Variants in CTNNA2 observed in about 807,000 individuals in gnomAD.
CTNNA2 encodes catenin alpha-2.
Under a neutral mutation model 101.0 loss-of-function variants are expected in CTNNA2, and 42 were observed. The observed-to-expected ratio is 0.42, with a 90% confidence interval of 0.32 to 0.54. The LOEUF is 0.54. Among genes scored for constraint, CTNNA2 ranks in the 20% least tolerant of loss-of-function variants. The probability of loss-of-function intolerance (pLI) is 0.14; values close to 1 mark genes in which losing one functional copy is unlikely to be tolerated. For missense variants in CTNNA2, 871 were observed against 1,223.1 expected (o/e 0.71, Z 4.29); for synonymous variants, 450 against 456.4 (o/e 0.99, Z 0.18).
chr2:80,042,482 C>T (rs1696132027), intron 7 of CTNNA2, among the ~76,000 whole-genome samples: 1 of 152,164 alleles, frequency 6.6e-6, no homozygotes, highest in African/African-American at 2.4e-5. Flanking sequence ...GAGAATTGCA[C>T]TGAGCCAAGC....
chr2:80,187,033 ATTAT>A (rs1312505220), intron 7 of CTNNA2, among the ~76,000 whole-genome samples: 1 of 152,230 alleles, frequency 6.6e-6, no homozygotes, highest in Non-Finnish European at 1.5e-5. Context: ...CTTTTAAAAA[ATTAT>A]TTATTCATTG....
intron 9 of CTNNA2, among the ~76,000 whole-genome samples, chr2:80,517,923 C>G (rs1689227648): frequency 6.6e-6 from 1 of 152,160 alleles, no homozygotes; most frequent in Admixed American, 6.5e-5. Flanking sequence ...ATGGATCACA[C>G]TAACCAGATA....
intron 7 of CTNNA2, among the ~76,000 whole-genome samples, chr2:79,943,405 A>G (rs1381216851): frequency 6.6e-6 from 1 of 152,206 alleles, no homozygotes; most frequent in Non-Finnish European, 1.5e-5. Flanking sequence ...TCATGTAGAA[A>G]AAAAAGAAGT....
chr2:80,309,313 T>C (rs1230999135), intron 7 of CTNNA2, among the ~76,000 whole-genome samples: 2 of 152,172 alleles, frequency 1.3e-5, no homozygotes, highest in Admixed American at 6.5e-5. Flanking sequence ...GCAAATCTCC[T>C]CTATGATTTC....
chr2:79,296,552 A>C (rs879820679), intron 2 of CTNNA2, among the ~76,000 whole-genome samples: 1 of 152,126 alleles, frequency 6.6e-6, no homozygotes, highest in African/African-American at 2.4e-5. Context: ...TCTAGCACCT[A>C]CTATATGTGT....
At chr2:79,745,442 A>T (rs1671578462) in intron 3 of CTNNA2, among the ~76,000 whole-genome samples, 1 of 151,722 alleles carries the variant, frequency 6.6e-6, no homozygotes, top group African/African-American at 2.4e-5. Context: ...TAAAAAAAAA[A>T]AATAAAATAA....
At chr2:80,111,772 C>T (rs1266785638) in intron 7 of CTNNA2, among the ~76,000 whole-genome samples, 4 of 152,160 alleles carry the variant, frequency 2.6e-5, no homozygotes, top group African/African-American at 7.2e-5. Flanking sequence ...AAGCAACCTT[C>T]CTGTCACAGC....
At chr2:79,266,552 T>C (rs560342850) in intron 2 of CTNNA2, among the ~76,000 whole-genome samples, 1 of 152,288 alleles carries the variant, frequency 6.6e-6, no homozygotes, top group African/African-American at 2.4e-5. Context: ...AGAAAACTGG[T>C]ACTGAATGTA....
intron 1 of CTNNA2, among the ~76,000 whole-genome samples, chr2:79,602,286 C>A (rs957345897): frequency 9.9e-5 from 15 of 151,978 alleles, no homozygotes; most frequent in Admixed American, 2.6e-4. Context: ...TTTGAAATAA[C>A]GTGATCATCT....
At chr2:79,457,540 G>A (rs1189943609) in intron 4 of CTNNA2, among the ~76,000 whole-genome samples, 1 of 152,112 alleles carries the variant, frequency 6.6e-6, no homozygotes, top group African/African-American at 2.4e-5. Flanking sequence ...AACTTTATGA[G>A]CATTTGAACC....
chr2:79,780,054 C>G (rs188698656), intron 3 of CTNNA2, among the ~76,000 whole-genome samples: 4 of 152,272 alleles, frequency 2.6e-5, no homozygotes, highest in African/African-American at 9.6e-5. Flanking sequence ...TCTCCACAAC[C>G]CCTTATGGTA....
At chr2:80,365,903 G>C (rs557614592) in intron 7 of CTNNA2, among the ~76,000 whole-genome samples, 2 of 152,112 alleles carry the variant, frequency 1.3e-5, no homozygotes, top group African/African-American at 4.8e-5. Context: ...CCCTGTGGTC[G>C]GCTGTTATGC....
At chr2:80,472,642 G>A (rs1479434751) in intron 9 of CTNNA2, among the ~76,000 whole-genome samples, 1 of 152,162 alleles carries the variant, frequency 6.6e-6, no homozygotes. Flanking sequence ...ACTCTTGGAG[G>A]AGGAAGGAAC....
chr2:80,574,370 G>C, intron 13 of CTNNA2, 56 bp downstream of exon 13: 1 of 1,479,926 alleles, frequency 6.8e-7, no homozygotes. Context: ...GGAAACTAAA[G>C]AGCTAACTGT....
chr2:80,155,944 C>T (rs1217401254), intron 7 of CTNNA2, among the ~76,000 whole-genome samples: 1 of 152,172 alleles, frequency 6.6e-6, no homozygotes, highest in Non-Finnish European at 1.5e-5. Context: ...TTCTGTTATC[C>T]ATTGCTCTAG....
At chr2:79,265,464 A>G (rs1674976269) in intron 2 of CTNNA2, among the ~76,000 whole-genome samples, 2 of 152,102 alleles carry the variant, frequency 1.3e-5, no homozygotes, top group African/African-American at 4.8e-5. Flanking sequence ...GAAAGAGCCT[A>G]AGACTCATCT....
intron 3 of CTNNA2, among the ~76,000 whole-genome samples, chr2:79,372,469 T>A (rs1677894684): frequency 6.6e-6 from 1 of 152,212 alleles, no homozygotes; most frequent in East Asian, 1.9e-4. Flanking sequence ...CTCGAGGTTC[T>A]ACCATTGAAA....
chr2:79,741,198 A>T (rs1403717611), intron 2 of CTNNA2, among the ~76,000 whole-genome samples: 1 of 152,182 alleles, frequency 6.6e-6, no homozygotes, highest in East Asian at 1.9e-4. Flanking sequence ...AATGGAGCTA[A>T]ACTACTTTTG....
chr2:79,435,938 G>A (rs982418162), intron 4 of CTNNA2, among the ~76,000 whole-genome samples: 1 of 152,186 alleles, frequency 6.6e-6, no homozygotes, highest in African/African-American at 2.4e-5. Context: ...ACTAAGCTTA[G>A]GGAGGGGATG....
Sources: allele counts gnomAD v4.1 joint callset (sites outside exome capture counted in the v4.1 genomes callset), GRCh38; gene constraint gnomAD v4.1.1; transcripts MANE v1.5; gene names NCBI Gene and HGNC (gene_info 2026-07-23, HGNC 2026-07-21).